Variants in CCDC14 observed in about 807,000 individuals in gnomAD.
CCDC14 encodes coiled-coil domain containing 14, also known as coiled-coil domain-containing protein 14.
Under a neutral mutation model 81.4 loss-of-function variants are expected in CCDC14, and 71 were observed. The observed-to-expected ratio is 0.87, with a 90% CI of 0.72 to 1.06. The LOEUF (loss-of-function observed/expected upper bound fraction) is 1.06. Ranked by LOEUF, CCDC14 falls within the 50% of genes least tolerant of loss-of-function variation. The probability of loss-of-function intolerance (pLI) is 0.00; values close to 1 mark genes in which losing one functional copy is unlikely to be tolerated. For missense variants in CCDC14, 1,046 were observed against 1,047.3 expected (o/e 1.00, Z 0.02); for synonymous variants, 332 against 364.8 (o/e 0.91, Z 1.03).
chr3:123,945,724 T>C lies in CCDC14; in HGVS notation c.1202-734A>G, dbSNP rs566297665. ...GATAACCTAGAAGTTGAAAGTGTAT[T>C]CTAAGTTACAAAAATGTATTCAGTT... On this transcript the variant is annotated intron_variant, in intron 8 of 12. Coordinates refer to ENST00000409697, the MANE Select transcript of CCDC14 (RefSeq NM_001366335.1). Among the ~76,000 whole-genome samples, 56 of 152,314 alleles carry C rather than the reference T, an allele frequency of 3.7e-4. 2 individuals carry two copies. Among genetic ancestry groups the C allele is most frequent in the Admixed American group, 3.3e-3 (50 of 15,298 alleles).
At chr3:123,902,671 G>T (rs2034200937) in intron 5 of CCDC14, among the ~76,000 whole-genome samples, 1 of 152,200 alleles carries the variant, frequency 6.6e-6, no homozygotes, top group Admixed American at 6.5e-5. Flanking sequence ...TGTTAAAAGA[G>T]ACATAAAAGA....
downstream of CCDC14, among the ~76,000 whole-genome samples, chr3:123,913,016 G>C (rs569682802): frequency 1.3e-5 from 2 of 152,306 alleles, no homozygotes; most frequent in East Asian, 3.9e-4. Context: ...CAAATCCTAT[G>C]TATTCATCCA....
At chr3:123,917,613 G>T (rs965079600) in intron 12 of CCDC14, among the ~76,000 whole-genome samples, 3 of 150,904 alleles carry the variant, frequency 2.0e-5, no homozygotes, top group Admixed American at 6.6e-5. Context: ...TGCTTTAAGA[G>T]TTCAACTTTT....
In CCDC14 at chr3:123,956,415, T is replaced by A. The variant is rs1267126890; in HGVS notation, c.99A>T (p.Arg33Ser). Residue 33 changes from arginine (R) to serine (S), a missense_variant, in exon 3 of 13, where the codon AGA becomes AGT. Arg to Ser is a moderately radical substitution (Grantham distance 110). Transcript: ENST00000409697. ...AATCTGCATTAAAACGTGGTATTTT[T>A]CTTAAATAGGTCCTGGAAAACAAGC... is the stretch of plus-strand genomic sequence containing the variant. Reference protein sequence around the residue: ...LTNGKKATYLRKIPRFNADSG... With the variant: ...LTNGKKATYLSKIPRFNADSG... 4 of 1,545,298 alleles carry A rather than the reference T, an allele frequency of 2.6e-6. No individual in the cohort carries two copies. The highest frequency in any genetic ancestry group is 3.5e-6 in the Non-Finnish European group (4 of 1,143,690).
chr3:123,944,745 A>C, intron 9 of CCDC14, 104 bp downstream of exon 9: 1 of 740,900 alleles, frequency 1.3e-6, no homozygotes, highest in Non-Finnish European at 2.0e-6. Flanking sequence ...GTAAGACAGC[A>C]AATAAATTTT....
intron 5 of CCDC14, among the ~76,000 whole-genome samples, chr3:123,901,448 T>C (rs2034177700): frequency 6.6e-6 from 1 of 152,084 alleles, no homozygotes; most frequent in Admixed American, 6.6e-5. Flanking sequence ...AGTTGAACTT[T>C]TTTTTTTACT....
intron 12 of CCDC14, among the ~76,000 whole-genome samples, chr3:123,930,253 C>T (rs1024554525): frequency 2.6e-5 from 4 of 152,082 alleles, no homozygotes; most frequent in African/African-American, 9.7e-5. Flanking sequence ...ATTTGCTTCC[C>T]TACAAGTTTA....
chr3:123,905,234 T>C (rs751413371), intron 5 of CCDC14, among the ~76,000 whole-genome samples: 3 of 152,158 alleles, frequency 2.0e-5, no homozygotes, highest in Non-Finnish European at 2.9e-5. Context: ...AGGAAGTGAT[T>C]GGTTACCAGT....
At chr3:123,893,973 AT>A (rs2034026588), downstream of CCDC14, among the ~76,000 whole-genome samples, 2 of 152,118 alleles carry the variant, frequency 1.3e-5, no homozygotes, top group African/African-American at 4.8e-5. Context: ...ATTAGCAAAT[AT>A]TTTCTCTCAT....
At chr3:123,922,414 A>T (rs571065754) in intron 12 of CCDC14, among the ~76,000 whole-genome samples, 62 of 152,288 alleles carry the variant, frequency 4.1e-4, no homozygotes, top group African/African-American at 1.4e-3. Flanking sequence ...AATAGGAAAA[A>T]TTCAGCAAAA....
intron 9 of CCDC14, among the ~76,000 whole-genome samples, chr3:123,938,575 G>A (rs1232110223): frequency 6.6e-6 from 1 of 151,770 alleles, no homozygotes; most frequent in Non-Finnish European, 1.5e-5. Context: ...CCTTTCCAAT[G>A]TGGCTGGCTT....
chr3:123,906,262 G>A (rs539239822), intron 5 of CCDC14, among the ~76,000 whole-genome samples: 21 of 152,030 alleles, frequency 1.4e-4, no homozygotes, highest in Non-Finnish European at 2.6e-4. Flanking sequence ...CACGGGAGGC[G>A]GAGTTTGCAG....
intron 10 of CCDC14, among the ~76,000 whole-genome samples, chr3:123,932,925 C>G (rs2332683): frequency 0.085 from 12,917 of 151,954 alleles, 1,371 homozygotes; most frequent in East Asian, 0.41. Flanking sequence ...ATGATGAAAC[C>G]CTGTCTCTAA....
chr3:123,902,725 T>A (rs375307198), intron 5 of CCDC14, among the ~76,000 whole-genome samples: 1 of 152,234 alleles, frequency 6.6e-6, no homozygotes, highest in South Asian at 2.1e-4. Flanking sequence ...GTACCTCAAG[T>A]AAGATGTAAA....
At chr3:123,944,334 C>T (rs984443241) in intron 9 of CCDC14, among the ~76,000 whole-genome samples, 10 of 152,072 alleles carry the variant, frequency 6.6e-5, no homozygotes, top group East Asian at 1.9e-4. Context: ...TAAGTGGTAG[C>T]GAAACGATCA....
At position 123,914,418 on chromosome 3, in the gene CCDC14, T is replaced by C. The variant is rs1322648806; in HGVS notation, c.*361A>G. ...TCTAGTTTCAACAGAAAAACTTACA[T>C]CCAGAGATTCTTTTCCCATTATTTC... On this transcript the variant is annotated 3_prime_UTR_variant, in exon 13 of 13. Transcript: ENST00000409697. The C allele has an allele frequency of 1.0e-6, 1 of 988,958 alleles. No homozygotes were observed. Among genetic ancestry groups the C allele is most frequent in the Non-Finnish European group, 1.2e-6 (1 of 832,674 alleles). The allele number at this position is 988,958 out of a possible 1,614,324, so 61.3% of individuals were successfully genotyped here. A position where few individuals can be genotyped will look rare whatever the true frequency, so the allele number is the denominator to read the frequency against.
intron 9 of CCDC14, among the ~76,000 whole-genome samples, chr3:123,941,486 C>G (rs2036350327): frequency 6.6e-6 from 1 of 151,852 alleles, no homozygotes. Flanking sequence ...TTCGAATGAA[C>G]CAATGTATTC....
intron 1 of CCDC14, chr3:123,957,334 T>C (rs2037386002): frequency 6.6e-6 from 1 of 152,196 alleles, no homozygotes; most frequent in South Asian, 2.1e-4. Flanking sequence ...AAGTAACTAC[T>C]ACACTAAGTT....
chr3:123,956,779 C>G lies in CCDC14; in HGVS notation c.47G>C (p.Arg16Thr). The change falls in exon 2 of 13, where the codon AGG (arginine) becomes ACG (threonine). Residue 16 changes from arginine (R) to threonine (T), a missense_variant. By Grantham distance (71) the Arg-to-Thr change is moderately conservative. Transcript: ENST00000409697. ...TGTTAATTTAGCAGGTCCAGTGTGC[C>G]TTCCTGAAGATAACACCTATGACAT... Reference protein sequence around the residue: ...ARPGQVLSSGRHTGPAKLTNG... With the variant: ...ARPGQVLSSGTHTGPAKLTNG... 6.5e-7 allele frequency: 1 copy of G among 1,544,260 alleles called. No individual in the cohort carries two copies. The highest frequency in any genetic ancestry group is 8.8e-7 in the Non-Finnish European group (1 of 1,141,170).
Sources: gnomAD v4.1 joint callset for allele counts (sites outside exome capture counted in the v4.1 genomes callset) on GRCh38, gnomAD v4.1.1 for gene constraint, MANE v1.5 for transcripts, NCBI Gene and HGNC (gene_info 2026-07-23, HGNC 2026-07-21) for gene names.